COLGALT2: variants seen among roughly 807,000 people sequenced by gnomAD.
The protein encoded by COLGALT2 is procollagen galactosyltransferase 2.
COLGALT2 carries 49 observed loss-of-function variants against 73.4 expected under a neutral mutation model. The ratio of observed to expected loss-of-function variants is 0.67; its 90% CI spans 0.53 to 0.85. The LOEUF (loss-of-function observed/expected upper bound fraction) is 0.85. Among genes scored for constraint, COLGALT2 ranks in the 40% least tolerant of loss-of-function variants. COLGALT2 has a pLI of 0.00. For missense variants in COLGALT2, 722 were observed against 790.2 expected, an observed-to-expected ratio of 0.91 and a Z score of 1.03; for synonymous variants, 295 against 307.6, an observed-to-expected ratio of 0.96 and a Z score of 0.43.
At chr1:183,987,229 G>C (rs552844155) in intron 1 of COLGALT2, among the ~76,000 whole-genome samples, 16 of 152,150 alleles carry the variant, frequency 1.1e-4, no homozygotes, top group African/African-American at 3.4e-4. Flanking sequence ...TCCTGTTTTC[G>C]TTCTCCTTTG....
rs1887278 is a variant in COLGALT2 at position 183,940,800 on chromosome 1, G to A, written c.1398-13C>T. 0.19 allele frequency: 308,907 copies of A among 1,610,766 alleles called. 31,146 individuals carry two copies. Among genetic ancestry groups the A allele is most frequent in the Admixed American group, 0.29 (17,196 of 60,000 alleles). The stretch of plus-strand genomic sequence containing the variant: ...CCTACCAATATAACTGTAAGGAAAT[G>A]GCAGAGGAGAAAAATTCCACCTTGA... On this transcript the variant is annotated splice_polypyrimidine_tract_variant and intron_variant, in intron 10 of 11. Transcript: ENST00000361927.
chr1:183,975,650 G>A (rs943404), intron 2 of COLGALT2, among the ~76,000 whole-genome samples: 94,007 of 152,064 alleles, frequency 0.62, 31,437 homozygotes, highest in Non-Finnish European at 0.76. Context: ...TAAAACATGA[G>A]TTTCCCAGGA....
chr1:183,984,001 C>T (rs913351128), intron 1 of COLGALT2, among the ~76,000 whole-genome samples: 63 of 152,302 alleles, frequency 4.1e-4, no homozygotes, highest in African/African-American at 1.4e-3. Flanking sequence ...GACCATGTTT[C>T]CGGGAGGCTC....
intron 6 of COLGALT2, among the ~76,000 whole-genome samples, chr1:183,960,257 A>C (rs946223109): frequency 3.3e-5 from 5 of 152,118 alleles, no homozygotes; most frequent in Non-Finnish European, 7.4e-5. Flanking sequence ...CTACTGTTTT[A>C]AGTCAGCTCT....
At chr1:184,007,919 C>A (rs568016222) in intron 1 of COLGALT2, among the ~76,000 whole-genome samples, 2 of 152,304 alleles carry the variant, frequency 1.3e-5, no homozygotes, top group East Asian at 1.9e-4. Flanking sequence ...AACAAATATT[C>A]ATCACCCCCC....
rs1026330911 is a variant in COLGALT2, at chr1:183,980,758, CACAG to C, written c.264-2242_264-2239del. Among the ~76,000 whole-genome samples the C allele has an allele frequency of 5.9e-5, 9 of 152,040 alleles. No homozygotes were observed. The South Asian group carries it at 6.2e-4, about 11-fold the overall frequency. On this transcript the variant is annotated intron_variant, in intron 1 of 11. Coordinates refer to ENST00000361927, the MANE Select transcript of COLGALT2 (RefSeq NM_015101.4). ...TTATAAAGATTTACACACACACACA[CACAG>C]GCACACAACTACAGACCAATATCCT... is the stretch of plus-strand genomic sequence containing the variant.
chr1:183,960,302 C>T (rs1290078641), intron 6 of COLGALT2, among the ~76,000 whole-genome samples: 1 of 152,208 alleles, frequency 6.6e-6, no homozygotes, highest in Non-Finnish European at 1.5e-5. Flanking sequence ...TTTTCTTGGT[C>T]TGTTTCCTCT....
chr1:183,969,372 G>C lies in COLGALT2; in HGVS notation c.729C>G (p.Leu243=). 8.1e-6 allele frequency: 13 copies of C among 1,613,924 alleles called. No homozygotes were observed. The highest frequency in any genetic ancestry group is 1.1e-5 in the Non-Finnish European group (13 of 1,179,878). The change falls in exon 5 of 12, where the codon CTC becomes CTG. Residue 243 remains leucine, a synonymous_variant. Transcript: ENST00000361927. ...PMVHSTFLID[L]RKEASDKLTF... ...TCAGCTTGTCCGAGGCCTCCTTCCTGAGGTCAATTAGGAAGGTGGAGTGGA... is the reference window on the plus strand; with the variant it reads ...TCAGCTTGTCCGAGGCCTCCTTCCTCAGGTCAATTAGGAAGGTGGAGTGGA...
downstream of COLGALT2, among the ~76,000 whole-genome samples, chr1:183,931,019 A>G (rs1173295847): frequency 6.6e-6 from 1 of 152,224 alleles, no homozygotes; most frequent in Non-Finnish European, 1.5e-5. Flanking sequence ...ATTTCAAGGA[A>G]TCCAATGTAT....
chr1:183,966,698 C>T (rs897010953), intron 5 of COLGALT2, among the ~76,000 whole-genome samples: 1 of 152,190 alleles, frequency 6.6e-6, no homozygotes, highest in Non-Finnish European at 1.5e-5. Flanking sequence ...CTGGCTGGCA[C>T]TGGGATGATT....
intron 1 of COLGALT2, among the ~76,000 whole-genome samples, chr1:184,012,463 G>GA (rs1231336426): frequency 1.3e-5 from 2 of 152,038 alleles, no homozygotes; most frequent in Non-Finnish European, 2.9e-5. Context: ...AAAAGAGAGA[G>GA]AAAAAAGATT....
intron 2 of COLGALT2, among the ~76,000 whole-genome samples, 192 bp downstream of exon 2, chr1:183,978,218 G>A (rs1198913261): frequency 6.6e-6 from 1 of 152,186 alleles, no homozygotes; most frequent in African/African-American, 2.4e-5. Context: ...GCTGGCAGCT[G>A]TGGGAGTAAA....
Position 183,942,335 on chromosome 1 carries a change from C to CA in COLGALT2, c.1398-1549dup, listed in dbSNP as rs961172707. On this transcript the variant is annotated intron_variant, in intron 10 of 11. Coordinates refer to ENST00000361927, the MANE Select transcript of COLGALT2 (RefSeq NM_015101.4). Reference sequence around the variant, plus strand: ...CATACCAGATTTTGAAGAGTTGGTACAAAAAAAAAAAGAAGGTAAACTATG... The same window carrying CA: ...CATACCAGATTTTGAAGAGTTGGTACAAAAAAAAAAAAGAAGGTAAACTATG... 3.7e-3 allele frequency among the ~76,000 whole-genome samples: 466 copies of CA among 127,242 alleles called. 2 individuals are homozygous for CA. The highest frequency in any genetic ancestry group is 3.2e-3 in the East Asian group (14 of 4,432). The allele number at this position is 127,242 out of a possible 152,430, so 83.5% of individuals were successfully genotyped here.
At chr1:183,994,274 G>T (rs1180375694) in intron 1 of COLGALT2, among the ~76,000 whole-genome samples, 1 of 151,640 alleles carries the variant, frequency 6.6e-6, no homozygotes, top group Non-Finnish European at 1.5e-5. Context: ...TCCTGACCTC[G>T]TGATCCACCC....
intron 1 of COLGALT2, among the ~76,000 whole-genome samples, chr1:184,022,571 T>C (rs973849967): frequency 3.3e-5 from 5 of 152,176 alleles, no homozygotes; most frequent in Non-Finnish European, 5.9e-5. Context: ...CAGAGTATGG[T>C]TCTTCTGCTC....
At chr1:183,983,047 G>T (rs1235100326) in intron 1 of COLGALT2, among the ~76,000 whole-genome samples, 1 of 152,242 alleles carries the variant, frequency 6.6e-6, no homozygotes, top group East Asian at 1.9e-4. Flanking sequence ...CCTGGAGTAT[G>T]CAGAGGTACA....
chr1:183,939,765 G>A (rs762122126), intron 11 of COLGALT2, among the ~76,000 whole-genome samples: 3 of 152,126 alleles, frequency 2.0e-5, no homozygotes, highest in Non-Finnish European at 4.4e-5. Context: ...ATCTAGTGAC[G>A]AGATCACCCA....
At chr1:183,979,040 C>T (rs1671280633) in intron 1 of COLGALT2, among the ~76,000 whole-genome samples, 2 of 152,076 alleles carry the variant, frequency 1.3e-5, no homozygotes, top group South Asian at 2.1e-4. Context: ...TAATAATTCT[C>T]AATATAAAAC....
In COLGALT2 at chr1:183,940,682, G is replaced by A. The variant is rs1486638416; in HGVS notation, c.1503C>T (p.Val501=). The part of the protein sequence containing the change: ...ADYSYWTLGY[V]ISLEGAQKLV... ...GCTTCTGTGCTCCTTCCAGAGAGATGACGTAGCCCAGGGTCCAGTAGGAAT... is the reference window on the plus strand; with the variant it reads ...GCTTCTGTGCTCCTTCCAGAGAGATAACGTAGCCCAGGGTCCAGTAGGAAT... Residue 501 remains valine (V), a synonymous_variant, in exon 11 of 12, where the codon GTC becomes GTT. Transcript: ENST00000361927. The A allele has an allele frequency of 1.2e-6, 2 of 1,614,228 alleles. No homozygotes were observed. The highest frequency in any genetic ancestry group is 1.7e-6 in the Non-Finnish European group (2 of 1,180,056).
Sources: allele counts gnomAD v4.1 joint callset (sites outside exome capture counted in the v4.1 genomes callset), GRCh38; gene constraint gnomAD v4.1.1; transcripts MANE v1.5; gene names NCBI Gene and HGNC (gene_info 2026-07-23, HGNC 2026-07-21).